HSD17B12: variants seen among roughly 807,000 people sequenced by gnomAD.
HSD17B12 encodes hydroxysteroid 17-beta dehydrogenase 12, also known as very-long-chain 3-oxoacyl-CoA reductase.
HSD17B12 carries 32 observed loss-of-function variants against 39.3 expected under a neutral mutation model. That is an observed-to-expected ratio of 0.81 (90% CI 0.61 to 1.09). The LOEUF (loss-of-function observed/expected upper bound fraction) is 1.09, where lower values mean the gene tolerates loss of function less well. Ranked by LOEUF, HSD17B12 falls within the 50% of genes least tolerant of loss-of-function variation. The pLI is 0.00. For missense variants in HSD17B12, 342 were observed against 382.9 expected (o/e 0.89, Z 0.89); for synonymous variants, 150 against 146.7 (o/e 1.02, Z -0.16).
intron 3 of HSD17B12, among the ~76,000 whole-genome samples, chr11:43,763,196 T>C (rs1447103274): frequency 6.6e-6 from 1 of 152,186 alleles, no homozygotes; most frequent in Non-Finnish European, 1.5e-5. Context: ...TATACTGACA[T>C]ATAAGCATAA....
At chr11:43,561,879 C>T in the HSD17B12 span, among the ~76,000 whole-genome samples, 28 of 152,172 alleles carry the variant, frequency 1.8e-4, no homozygotes, top group East Asian at 1.9e-4. Context: ...GAGCCTAGCA[C>T]GGTGCTTGAC....
At chr11:43,832,514 A>G (rs2135115074) in intron 7 of HSD17B12, among the ~76,000 whole-genome samples, 1 of 152,338 alleles carries the variant, frequency 6.6e-6, no homozygotes, top group African/African-American at 2.4e-5. Flanking sequence ...GACAGATGAA[A>G]AAATAGAGGC....
intron 1 of HSD17B12, among the ~76,000 whole-genome samples, chr11:43,704,672 T>C (rs1163397436): frequency 6.6e-6 from 1 of 152,188 alleles, no homozygotes; most frequent in Non-Finnish European, 1.5e-5. Flanking sequence ...AGCATGCATA[T>C]CGCAGTTCTG....
the HSD17B12 span, among the ~76,000 whole-genome samples, chr11:43,575,896 G>T: frequency 1.3e-5 from 2 of 152,328 alleles, no homozygotes; most frequent in East Asian, 3.9e-4. This position sits in a 1 kb window ranked among gnomAD's most constrained non-coding sequence, Gnocchi z 4.1. Flanking sequence ...TTCCAAAGGC[G>T]GTGTGTTGCA....
At chr11:43,820,028 A>C (rs1236799724) in intron 6 of HSD17B12, among the ~76,000 whole-genome samples, 1 of 152,204 alleles carries the variant, frequency 6.6e-6, no homozygotes, top group East Asian at 1.9e-4. Flanking sequence ...GTTGTACTAC[A>C]TGCAGAAGCA....
intron 1 of HSD17B12, among the ~76,000 whole-genome samples, chr11:43,717,787 GC>G (rs767919526): frequency 1.3e-5 from 2 of 150,204 alleles, no homozygotes; most frequent in Non-Finnish European, 3.0e-5. Flanking sequence ...TGTCAGTTAT[GC>G]CACATTCTTC....
At chr11:43,585,793 G>A in the HSD17B12 span, among the ~76,000 whole-genome samples, 2 of 152,166 alleles carry the variant, frequency 1.3e-5, no homozygotes, top group African/African-American at 4.8e-5. Flanking sequence ...CTCCTTAACC[G>A]ATAGTTCAGT....
intron 1 of HSD17B12, among the ~76,000 whole-genome samples, chr11:43,719,858 C>T (rs906757907): frequency 4.6e-5 from 7 of 152,098 alleles, no homozygotes; most frequent in African/African-American, 1.4e-4. Flanking sequence ...CCATTTTGAA[C>T]TGTTTCTTTC....
intron 1 of HSD17B12, among the ~76,000 whole-genome samples, chr11:43,720,156 A>T (rs1480326774): frequency 6.6e-6 from 1 of 152,188 alleles, no homozygotes; most frequent in Non-Finnish European, 1.5e-5. Flanking sequence ...CCATTTTTAA[A>T]TTTCAGATCT....
At chr11:43,693,799 T>A (rs1480558221) in intron 1 of HSD17B12, among the ~76,000 whole-genome samples, 1 of 152,234 alleles carries the variant, frequency 6.6e-6, no homozygotes, top group Admixed American at 6.5e-5. Context: ...CCAAGCTAAC[T>A]TCCAGTAGGA....
At chr11:43,680,453 A>T (rs746784828), upstream of HSD17B12, 13 of 266,120 alleles carry the variant, frequency 4.9e-5, no homozygotes, top group Non-Finnish European at 8.1e-5. Context: ...AGCTCAAACC[A>T]GCCTGGGTCT....
chr11:43,644,043 A>G, the HSD17B12 span, among the ~76,000 whole-genome samples: 1 of 152,186 alleles, frequency 6.6e-6, no homozygotes, highest in African/African-American at 2.4e-5. Context: ...TAGCGTAACT[A>G]TAGGTGTTTG....
chr11:43,735,929 C>CACTGTCAGAGAA (rs2134900355), intron 1 of HSD17B12, among the ~76,000 whole-genome samples: 1 of 152,230 alleles, frequency 6.6e-6, no homozygotes, highest in African/African-American at 2.4e-5. Flanking sequence ...TCCTGATAAC[C>CACTGTCAGAGAA]CACTCACTGT....
chr11:43,784,166 A>G (rs998083583), intron 3 of HSD17B12, among the ~76,000 whole-genome samples: 2 of 152,138 alleles, frequency 1.3e-5, no homozygotes, highest in Admixed American at 6.5e-5. Context: ...TGAAAGAGTC[A>G]TGATAGATCG....
rs112203256 is a variant in HSD17B12, at chr11:43,726,560, T to C, written c.161-24351T>C. ...TTTCCAATGCTAAGCATCACACATA[T>C]ACCTTACCCAGCAGGGACCATTAGA... On this transcript the variant is annotated intron_variant, in intron 1 of 10. Transcript: ENST00000278353. Among the ~76,000 whole-genome samples the C allele has an allele frequency of 6.6e-3, 1,009 of 152,288 alleles. 8 individuals carry two copies. Among genetic ancestry groups the C allele is most frequent in the African/African-American group, 0.023 (966 of 41,564 alleles).
At chr11:43,827,620 G>A (rs1951257772) in intron 6 of HSD17B12, among the ~76,000 whole-genome samples, 1 of 152,174 alleles carries the variant, frequency 6.6e-6, no homozygotes. Context: ...AAGAAATTAA[G>A]TCACTTTTAG....
intron 1 of HSD17B12, among the ~76,000 whole-genome samples, chr11:43,712,402 G>T (rs1173534032): frequency 6.6e-6 from 1 of 152,104 alleles, no homozygotes; most frequent in African/African-American, 2.4e-5. Context: ...ACTCCAGCCT[G>T]GCGACAGAGT....
At chr11:43,680,576 GA>G (rs1245909040), upstream of HSD17B12, 1 of 508,742 alleles carries the variant, frequency 2.0e-6, no homozygotes, top group African/African-American at 2.0e-5. Context: ...AACCCCGGGG[GA>G]CGCGGTGATG....
chr11:43,641,565 T>A, the HSD17B12 span, among the ~76,000 whole-genome samples: 1 of 151,982 alleles, frequency 6.6e-6, no homozygotes, highest in African/African-American at 2.4e-5. Context: ...TATACTCACA[T>A]GCTGGGAAAA....
Sources: allele counts gnomAD v4.1 joint callset (sites outside exome capture counted in the v4.1 genomes callset), GRCh38; gene constraint gnomAD v4.1.1; non-coding constraint Gnocchi (gnomAD v3.1); transcripts MANE v1.5; gene names NCBI Gene and HGNC (gene_info 2026-07-23, HGNC 2026-07-21).